TSGA10: variants seen among roughly 807,000 people sequenced by gnomAD.
TSGA10 encodes the protein testis-specific gene 10 protein.
Under a neutral mutation model 96.6 loss-of-function variants are expected in TSGA10, and 43 were observed. The observed-to-expected ratio is 0.44, with a 90% CI of 0.35 to 0.57. TSGA10 has a LOEUF of 0.57. Ranked by LOEUF, TSGA10 falls within the 20% of genes least tolerant of loss-of-function variation. The pLI is 0.01. For missense variants in TSGA10, 703 were observed against 834.4 expected (o/e 0.84, Z 1.94); for synonymous variants, 229 against 269.9 (o/e 0.85, Z 1.48).
At chr2:99,149,835 C>T (rs1445489114) in intron 1 of TSGA10, among the ~76,000 whole-genome samples, 1 of 146,406 alleles carries the variant, frequency 6.8e-6, no homozygotes, top group Non-Finnish European at 1.5e-5. Context: ...TCTTGTCGCC[C>T]AGGCTGGAGT....
chr2:99,080,950 A>G (rs1316493324), intron 11 of TSGA10, among the ~76,000 whole-genome samples: 1 of 152,180 alleles, frequency 6.6e-6, no homozygotes, highest in Non-Finnish European at 1.5e-5. Flanking sequence ...AAAGTAATAT[A>G]TAGGTACTGT....
At chr2:99,033,065 A>G (rs1158209114) in intron 17 of TSGA10, among the ~76,000 whole-genome samples, 2 of 152,228 alleles carry the variant, frequency 1.3e-5, no homozygotes, top group African/African-American at 4.8e-5. Flanking sequence ...TTGTGTCAGT[A>G]TATGAGCAGA....
At position 99,109,376 on chromosome 2, in the gene TSGA10, T is replaced by C. The variant is rs1274158603; in HGVS notation, c.51+13A>G. The C allele has an allele frequency of 6.2e-7, 1 of 1,613,624 alleles. No homozygotes were observed. The highest frequency in any genetic ancestry group is 1.3e-5 in the African/African-American group (1 of 75,032). On this transcript the variant is annotated intron_variant, in intron 6 of 20. Transcript: ENST00000393483. ...AACAAACTCCAAAATATTTGTAAGTTTATAAAACCTACCCGGGCAGTTGGT... is the reference window on the plus strand; with the variant it reads ...AACAAACTCCAAAATATTTGTAAGTCTATAAAACCTACCCGGGCAGTTGGT...
At chr2:99,022,158 G>A (rs1385529347) in intron 17 of TSGA10, among the ~76,000 whole-genome samples, 2 of 151,296 alleles carry the variant, frequency 1.3e-5, no homozygotes, top group African/African-American at 2.4e-5. Flanking sequence ...AAACTCCATC[G>A]CTACAAAAAA....
In TSGA10 at chr2:99,022,128, C is replaced by A. The variant is rs571369116; in HGVS notation, c.1615-1646G>T. Among the ~76,000 whole-genome samples, 553 of 151,976 alleles carry A rather than the reference C, an allele frequency of 3.6e-3. 6 individuals are homozygous for A. The highest frequency in any genetic ancestry group is 0.013 in the African/African-American group (533 of 41,454). ...ATTGCTTGAGCTCAGGAGTTTGAGA[C>A]CAGCCTGGGCAACATGGTGAAACTC... On this transcript the variant is annotated intron_variant, in intron 17 of 20. Transcript: ENST00000393483.
chr2:99,014,323 A>C (rs1406841259), intron 20 of TSGA10, among the ~76,000 whole-genome samples: 1 of 152,212 alleles, frequency 6.6e-6, no homozygotes, highest in Non-Finnish European at 1.5e-5. Context: ...CAACAGAGCA[A>C]GATTCCATCT....
chr2:99,101,880 T>G, intron 10 of TSGA10: 1 of 569,702 alleles, frequency 1.8e-6, no homozygotes. Flanking sequence ...TGCCAAGGAT[T>G]GACTGGAGGG....
At chr2:99,064,484 A>C (rs1223638082) in intron 16 of TSGA10, among the ~76,000 whole-genome samples, 1 of 152,236 alleles carries the variant, frequency 6.6e-6, no homozygotes, top group Non-Finnish European at 1.5e-5. Context: ...AAGATTGTAG[A>C]AAAAGTATAA....
At chr2:99,067,390 C>T (rs942748326) in intron 15 of TSGA10, among the ~76,000 whole-genome samples, 2 of 152,132 alleles carry the variant, frequency 1.3e-5, no homozygotes, top group African/African-American at 4.8e-5. Context: ...TTCGGAAGGC[C>T]GAGGTGGGAG....
intron 10 of TSGA10, among the ~76,000 whole-genome samples, chr2:99,086,885 C>T (rs1394862719): frequency 6.6e-6 from 1 of 151,658 alleles, no homozygotes; most frequent in African/African-American, 2.4e-5. Flanking sequence ...CCCTGGACAA[C>T]AGCAAGACCC....
At chr2:99,055,614 C>G (rs1165021213) in intron 16 of TSGA10, among the ~76,000 whole-genome samples, 1 of 151,586 alleles carries the variant, frequency 6.6e-6, no homozygotes, top group Non-Finnish European at 1.5e-5. Context: ...GTAGATTATA[C>G]CTTAATAAAA....
chr2:99,007,415 A>T (rs916983701), intron 20 of TSGA10, among the ~76,000 whole-genome samples: 28 of 152,242 alleles, frequency 1.8e-4, no homozygotes, highest in African/African-American at 6.5e-4. Flanking sequence ...AAAGTTAAAA[A>T]TATTTACCAT....
chr2:99,085,760 T>TA (rs67860649), intron 10 of TSGA10, among the ~76,000 whole-genome samples: 10 of 151,104 alleles, frequency 6.6e-5, no homozygotes, highest in African/African-American at 1.9e-4. Context: ...TAGATGAAGT[T>TA]AAAAAAAATA....
chr2:99,040,416 T>C (rs1281915429), intron 16 of TSGA10, among the ~76,000 whole-genome samples: 2 of 151,982 alleles, frequency 1.3e-5, no homozygotes, highest in African/African-American at 2.4e-5. Flanking sequence ...GAATTCAGTA[T>C]ACAAAATCAA....
chr2:99,119,954 A>G (rs1338235879), intron 2 of TSGA10, among the ~76,000 whole-genome samples: 2 of 152,210 alleles, frequency 1.3e-5, no homozygotes, highest in African/African-American at 2.4e-5. Flanking sequence ...CAACAAGAGC[A>G]CACTAAAAAT....
intron 16 of TSGA10, among the ~76,000 whole-genome samples, chr2:99,055,257 A>G (rs1244816716): frequency 6.6e-6 from 1 of 152,216 alleles, no homozygotes; most frequent in Non-Finnish European, 1.5e-5. Context: ...TAAGCCAGGC[A>G]CAGTAAGACA....
intron 20 of TSGA10, among the ~76,000 whole-genome samples, chr2:99,005,795 T>G (rs1473040180): frequency 6.6e-6 from 1 of 152,180 alleles, no homozygotes. Flanking sequence ...AAAACTACTT[T>G]AAAGTTCATA....
At chr2:99,013,494 G>A (rs1023083716) in intron 20 of TSGA10, among the ~76,000 whole-genome samples, 7 of 151,640 alleles carry the variant, frequency 4.6e-5, no homozygotes, top group South Asian at 4.2e-4. Flanking sequence ...CACCACGCCC[G>A]GCTAATTTTT....
intron 10 of TSGA10, among the ~76,000 whole-genome samples, chr2:99,092,964 G>C (rs1200451024): frequency 7.9e-5 from 12 of 151,974 alleles, no homozygotes; most frequent in Non-Finnish European, 5.9e-5. Context: ...TGAAACTATA[G>C]ACCAATATAT....
Sources: allele counts gnomAD v4.1 joint callset (sites outside exome capture counted in the v4.1 genomes callset), GRCh38; gene constraint gnomAD v4.1.1; transcripts MANE v1.5; gene names NCBI Gene and HGNC (gene_info 2026-07-23, HGNC 2026-07-21).